Variants in LYN observed in about 807,000 individuals in gnomAD.
LYN encodes tyrosine-protein kinase Lyn.
Under a neutral mutation model 65.0 loss-of-function variants are expected in LYN, and 12 were observed. That is an observed-to-expected ratio of 0.18 (90% confidence interval 0.12 to 0.30). LYN has a LOEUF of 0.30. Ranked by LOEUF, LYN falls within the 10% of genes least tolerant of loss-of-function variation. The probability of loss-of-function intolerance (pLI) is 1.00; values close to 1 mark genes in which losing one functional copy is unlikely to be tolerated. For missense variants in LYN, 380 were observed against 623.2 expected, an observed-to-expected ratio of 0.61 and a Z score of 4.16; for synonymous variants, 222 against 221.2, an observed-to-expected ratio of 1.00 and a Z score of -0.03.
intron 1 of LYN, among the ~76,000 whole-genome samples, chr8:55,940,637 G>A (rs1428430905): frequency 1.3e-5 from 2 of 152,210 alleles, no homozygotes; most frequent in Non-Finnish European, 2.9e-5. Context: ...GCTTCACAAA[G>A]TGCTGGGATT....
chr8:55,901,309 C>T (rs969060047), intron 1 of LYN, among the ~76,000 whole-genome samples: 3 of 152,220 alleles, frequency 2.0e-5, no homozygotes. Flanking sequence ...CCTTTCATTA[C>T]TGAGGCTGTC....
intron 1 of LYN, among the ~76,000 whole-genome samples, chr8:55,913,907 G>T (rs1805712084): frequency 6.6e-6 from 1 of 152,178 alleles, no homozygotes; most frequent in African/African-American, 2.4e-5. Flanking sequence ...TGCGAGAGAG[G>T]ATGAGTTGGA....
chr8:55,918,815 T>C (rs1189330217), intron 1 of LYN, among the ~76,000 whole-genome samples: 1 of 151,996 alleles, frequency 6.6e-6, no homozygotes, highest in African/African-American at 2.4e-5. Context: ...TCTGATCGGG[T>C]CCTGATGGGT....
intron 12 of LYN, 150 bp from the exon 13 acceptor site, chr8:56,009,758 G>A (rs1283503568): frequency 1.6e-6 from 1 of 635,876 alleles, no homozygotes; most frequent in African/African-American, 1.8e-5. Context: ...ATTTTGGGAG[G>A]ATGCTGTTCA....
At chr8:55,921,542 G>A (rs1033808511) in intron 1 of LYN, among the ~76,000 whole-genome samples, 1 of 152,220 alleles carries the variant, frequency 6.6e-6, no homozygotes, top group Admixed American at 6.5e-5. Context: ...AGGGGAGAAG[G>A]ATGTGGGCTG....
intron 1 of LYN, among the ~76,000 whole-genome samples, chr8:55,894,540 T>G (rs1053664931): frequency 6.6e-6 from 1 of 151,428 alleles, no homozygotes; most frequent in Non-Finnish European, 1.5e-5. Context: ...TGGCTAATTT[T>G]TTTTTTTTTT....
At chr8:55,907,253 C>T (rs1022484731) in intron 1 of LYN, among the ~76,000 whole-genome samples, 3 of 151,882 alleles carry the variant, frequency 2.0e-5, no homozygotes, top group African/African-American at 4.8e-5. Flanking sequence ...ATTACTCAAC[C>T]AAAAAAATGA....
At position 55,953,921 on chromosome 8, in the gene LYN, C is replaced by A; in HGVS notation, c.727C>A (p.Pro243Thr). The A allele has an allele frequency of 6.2e-7, 1 of 1,614,066 alleles. No homozygotes were observed. The highest frequency in any genetic ancestry group is 8.5e-7 in the Non-Finnish European group (1 of 1,180,000). Residue 243 changes from proline to threonine, a missense_variant, in exon 8 of 13, where the codon CCC becomes ACC. Physicochemically the swap from Pro to Thr is conservative, Grantham distance 38. Coordinates refer to ENST00000519728, the MANE Select transcript of LYN (RefSeq NM_002350.4). ...ATGGGATAAAGATGCCTGGGAGATC[C>A]CCCGGGAGTCCATCAAGTTGGTGAA... is the stretch of plus-strand genomic sequence containing the variant. ...KPWDKDAWEI[P>T]RESIKLVKRL... is the part of the protein sequence containing the mutation.
At chr8:55,942,393 G>A (rs56267723) in intron 2 of LYN, among the ~76,000 whole-genome samples, 1 of 134,272 alleles carries the variant, frequency 7.4e-6, no homozygotes, top group East Asian at 2.0e-4. Flanking sequence ...ATATATATAT[G>A]TGTATATATG....
chr8:55,894,956 T>G (rs1442292864), intron 1 of LYN, among the ~76,000 whole-genome samples: 1 of 152,230 alleles, frequency 6.6e-6, no homozygotes, highest in Middle Eastern at 3.4e-3. Context: ...GTGCTGGGAT[T>G]ACAGGTGTGA....
At chr8:55,896,152 C>T (rs529958462) in intron 1 of LYN, among the ~76,000 whole-genome samples, 13 of 151,716 alleles carry the variant, frequency 8.6e-5, no homozygotes, top group African/African-American at 3.1e-4. Context: ...CCCCTGTCAT[C>T]CTAGCTGCTC....
At chr8:55,963,647 C>T (rs922268645) in intron 8 of LYN, among the ~76,000 whole-genome samples, 4 of 152,182 alleles carry the variant, frequency 2.6e-5, no homozygotes, top group African/African-American at 9.7e-5. Context: ...ACTTTATTTG[C>T]ATTTCTCTGG....
At position 56,013,268 on chromosome 8, in the gene LYN, CTCTT is replaced by C. The variant is rs1808863619; in HGVS notation, c.*3160_*3163del. The C allele has an allele frequency of 1.9e-5, 2 of 103,248 alleles. No homozygotes were observed. The highest frequency in any genetic ancestry group is 2.7e-4 in the South Asian group (1 of 3,770). 6.4% of individuals were successfully genotyped at this position (103,248 alleles called of 1,614,324 possible). A position where few individuals can be genotyped will look rare whatever the true frequency, so the allele number is the denominator to read the frequency against. ...CTTGTGGAGTCTGCTTTCTCGCTCT[CTCTT>C]TTTTTTTTTTTTTTGACAGAGTCTC... On this transcript the variant is annotated 3_prime_UTR_variant, in exon 13 of 13. Coordinates refer to ENST00000519728, the MANE Select transcript of LYN (RefSeq NM_002350.4).
chr8:55,984,760 GTTC>G (rs1808028591), intron 10 of LYN, among the ~76,000 whole-genome samples: 1 of 152,338 alleles, frequency 6.6e-6, no homozygotes, highest in East Asian at 1.9e-4. Context: ...CAGCCCTCCA[GTTC>G]TTCTTGGCTT....
In LYN at chr8:56,008,668, C is replaced by A. The variant is rs191520679; in HGVS notation, c.1337-1240C>A. Among the ~76,000 whole-genome samples, 15 of 152,306 alleles carry A rather than the reference C, an allele frequency of 9.8e-5. No homozygotes were observed. The East Asian group carries it at 2.9e-3, about 29-fold the overall frequency. On this transcript the variant is annotated intron_variant, in intron 12 of 12. Coordinates refer to ENST00000519728, the MANE Select transcript of LYN (RefSeq NM_002350.4). ...GTTCAGCTTCTGAATTACCCTGAGACATTTGACCACATTAAAAACATTCTC... is the reference window on the plus strand; with the variant it reads ...GTTCAGCTTCTGAATTACCCTGAGAAATTTGACCACATTAAAAACATTCTC...
intron 1 of LYN, among the ~76,000 whole-genome samples, chr8:55,897,927 A>T (rs1200350973): frequency 6.6e-6 from 1 of 152,066 alleles, no homozygotes; most frequent in Non-Finnish European, 1.5e-5. Context: ...AACAACAACA[A>T]CAACAAAAAC....
chr8:55,931,091 A>G (rs996571215), intron 1 of LYN, among the ~76,000 whole-genome samples: 6 of 148,228 alleles, frequency 4.0e-5, no homozygotes, highest in African/African-American at 1.2e-4. Context: ...GTATATATAT[A>G]TAAGTTATAT....
At chr8:55,890,455 G>T (rs1243702929) in intron 1 of LYN, among the ~76,000 whole-genome samples, 1 of 152,232 alleles carries the variant, frequency 6.6e-6, no homozygotes, top group Non-Finnish European at 1.5e-5. Flanking sequence ...AGGATGTGGA[G>T]AAATTGGAAT....
rs778120809 is a variant in LYN at position 55,887,612 on chromosome 8, ATAT to A, written c.-6+7511_-6+7513del. Among the ~76,000 whole-genome samples the A allele has an allele frequency of 3.4e-3, 435 of 126,258 alleles. 21 individuals are homozygous for A. Among genetic ancestry groups the A allele is most frequent in the Middle Eastern group, 0.022 (6 of 274 alleles). 82.8% of individuals were successfully genotyped at this position (126,258 alleles called of 152,430 possible). On this transcript the variant is annotated intron_variant, in intron 1 of 12. Coordinates refer to ENST00000519728, the MANE Select transcript of LYN (RefSeq NM_002350.4). ...CACACACACACACACACATATATAT[ATAT>A]TTTTTTTTTCCTGAGACAGAGTCTT... is the stretch of plus-strand genomic sequence containing the variant.
Sources: gnomAD v4.1 joint callset for allele counts (sites outside exome capture counted in the v4.1 genomes callset) on GRCh38, gnomAD v4.1.1 for gene constraint, MANE v1.5 for transcripts, NCBI Gene and HGNC (gene_info 2026-07-23, HGNC 2026-07-21) for gene names.